The following ACADVL variants were observed in gnomAD, a reference collection of about 807,000 sequenced individuals.
The protein encoded by ACADVL is acyl-CoA dehydrogenase very long chain.
ACADVL carries 73 observed loss-of-function variants against 80.4 expected under a neutral mutation model. The observed-to-expected ratio is 0.91, with a 90% CI of 0.75 to 1.10. ACADVL has a LOEUF of 1.10. ACADVL is among the 50% of genes least tolerant of loss of function. ACADVL has a pLI of 0.00. For missense variants in ACADVL, 878 were observed against 858.9 expected (o/e 1.02, Z -0.28); for synonymous variants, 392 against 326.5 (o/e 1.20, Z -2.16).
upstream of ACADVL, chr17:7,218,706 T>C: frequency 6.5e-7 from 1 of 1,542,228 alleles, no homozygotes; most frequent in Non-Finnish European, 8.8e-7. Context: ...ACACTGTCAC[T>C]TCATCTCCCC....
In ACADVL at chr17:7,224,214, G is replaced by C. The variant is rs2142987026; in HGVS notation, c.1503G>C (p.Leu501=). Residue 501 remains leucine, a synonymous_variant, in exon 15 of 20, where the codon CTG becomes CTC. Coordinates refer to ENST00000356839, the MANE Select transcript of ACADVL (RefSeq NM_000018.4). Reference sequence around the variant, plus strand: ...ATCCCTTTGGGAATGCTGGCCTCCTGCTAGGAGAGGCAGGCAAACAGCTGA... The same window carrying C: ...ATCCCTTTGGGAATGCTGGCCTCCTCCTAGGAGAGGCAGGCAAACAGCTGA... The part of the protein sequence containing the change: ...LKNPFGNAGL[L]LGEAGKQLRR... 6.2e-7 allele frequency: 1 copy of C among 1,614,044 alleles called. No homozygotes were observed. The highest frequency in any genetic ancestry group is 8.5e-7 in the Non-Finnish European group (1 of 1,180,022).
upstream of ACADVL, chr17:7,217,312 AAGGGG>A: frequency 7.2e-6 from 5 of 690,616 alleles, no homozygotes; most frequent in Non-Finnish European, 9.3e-6. Flanking sequence ...TGGAGAAGGG[AAGGGG>A]AGGGGAGCGT....
chr17:7,218,779 GCCC>G, upstream of ACADVL: 3 of 1,608,886 alleles, frequency 1.9e-6, no homozygotes, highest in Non-Finnish European at 1.7e-6. Flanking sequence ...CCGAGCCCCA[GCCC>G]CCCACTTCGC....
At position 7,225,207 on chromosome 17, in the gene ACADVL, CTG is replaced by C; in HGVS notation, c.*113_*114del. 1.4e-6 allele frequency: 2 copies of C among 1,473,742 alleles called. No individual in the cohort carries two copies. Among genetic ancestry groups the C allele is most frequent in the Non-Finnish European group, 1.9e-6 (2 of 1,065,448 alleles). The allele number at this position is 1,473,742 out of a possible 1,614,324, so 91.3% of individuals were successfully genotyped here. On this transcript the variant is annotated 3_prime_UTR_variant, in exon 20 of 20. Coordinates refer to ENST00000356839, the MANE Select transcript of ACADVL (RefSeq NM_000018.4). Reference sequence around the variant, plus strand: ...CCGAAGGGGCCTAGTGTTCCCAGCACTGTGCCTGCTCTCAAGAGCACTTACTG... The same window carrying C: ...CCGAAGGGGCCTAGTGTTCCCAGCACTGCCTGCTCTCAAGAGCACTTACTG...
chr17:7,224,435 C>T, intron 16 of ACADVL, 42 bp downstream of exon 16: 8 of 1,613,754 alleles, frequency 5.0e-6, no homozygotes, highest in Non-Finnish European at 6.8e-6. Context: ...TCAGGGACTG[C>T]AGCCGATGGC....
At chr17:7,217,813 G>T (rs1441310624), upstream of ACADVL, 2 of 1,534,992 alleles carry the variant, frequency 1.3e-6, no homozygotes, top group Non-Finnish European at 8.7e-7. Context: ...CAGCAAAGAC[G>T]ATGAGGCTGG....
upstream of ACADVL, chr17:7,217,698 C>G: frequency 6.5e-7 from 1 of 1,531,554 alleles, no homozygotes; most frequent in South Asian, 1.2e-5. Flanking sequence ...GCAGAGTTAA[C>G]TCCTTCTGTG....
In ACADVL at chr17:7,225,060, G is replaced by T; in HGVS notation, c.1931G>T (p.Arg644Leu). 6.2e-7 allele frequency: 1 copy of T among 1,614,066 alleles called. No individual in the cohort carries two copies. Among genetic ancestry groups the T allele is most frequent in the Non-Finnish European group, 8.5e-7 (1 of 1,180,026 alleles). Residue 644 changes from arginine (R) to leucine (L), a missense_variant, in exon 20 of 20, where the codon CGG becomes CTG. Transcript: ENST00000356839. ...FKSISKALVE[R>L]GGVVTSNPLG... The stretch of plus-strand genomic sequence containing the variant: ...AGCATCTCCAAGGCCTTGGTGGAGC[G>T]GGGTGGTGTGGTCACCAGCAACCCA...
chr17:7,223,868 T>G lies in ACADVL; in HGVS notation c.1325T>G (p.Phe442Cys). The G allele has an allele frequency of 6.2e-7, 1 of 1,613,936 alleles. No individual in the cohort carries two copies. The highest frequency in any genetic ancestry group is 8.5e-7 in the Non-Finnish European group (1 of 1,179,996). The change falls in exon 13 of 20, where the codon TTC (phenylalanine) becomes TGC (cysteine). Residue 442 changes from phenylalanine to cysteine, a missense_variant. By Grantham distance (205) the Phe-to-Cys change is radical. Coordinates refer to ENST00000356839, the MANE Select transcript of ACADVL (RefSeq NM_000018.4). ...ATCCAAATCATGGGGGGTATGGGCT[T>G]CATGAAGGTACAGGACGGTCTTCTG... ...ECIQIMGGMG[F>C]MKEPGVERVL...
chr17:7,223,493 C>G (rs539504953), intron 11 of ACADVL, 151 bp from the exon 12 acceptor site: 2 of 925,604 alleles, frequency 2.2e-6, no homozygotes, highest in Non-Finnish European at 3.6e-6. Flanking sequence ...AAAACAAATA[C>G]CTGGAAGCAC....
At chr17:7,221,162 C>T in intron 6 of ACADVL, 104 bp downstream of exon 6, 6 of 1,577,538 alleles carry the variant, frequency 3.8e-6, no homozygotes, top group Non-Finnish European at 5.2e-6. Context: ...CTCTTCTAAG[C>T]ACCTGCCCTG....
At chr17:7,217,572 G>A (rs2070987128), upstream of ACADVL, 1 of 1,268,888 alleles carries the variant, frequency 7.9e-7, no homozygotes. Flanking sequence ...GGGGGGGTTG[G>A]AAACGGCAGC....
intron 6 of ACADVL, 41 bp from the exon 7 acceptor site, chr17:7,221,497 C>T (rs780803905): frequency 1.2e-6 from 2 of 1,612,484 alleles, no homozygotes; most frequent in South Asian, 2.2e-5. Flanking sequence ...TCAGGTCCCC[C>T]TGCAGCCAGT....
rs1238338378 is a variant in ACADVL at position 7,224,546 on chromosome 17, A to G, written c.1672A>G (p.Ile558Val). The G allele has an allele frequency of 6.2e-7, 1 of 1,603,690 alleles. No individual in the cohort carries two copies. The highest frequency in any genetic ancestry group is 2.2e-5 in the East Asian group (1 of 44,490). Residue 558 changes from isoleucine to valine, a missense_variant, in exon 17 of 20, where the codon ATT becomes GTT. Transcript: ENST00000356839. Reference protein sequence around the residue: ...EAKLIKHKKGIVNEQFLLQRL... With the variant: ...EAKLIKHKKGVVNEQFLLQRL... ...CAAGCTGATAAAACACAAGAAGGGGATTGTCAGTAAGTGAGCTCTACACCA... is the reference window on the plus strand; with the variant it reads ...CAAGCTGATAAAACACAAGAAGGGGGTTGTCAGTAAGTGAGCTCTACACCA...
upstream of ACADVL, chr17:7,219,895 G>C: frequency 6.5e-7 from 1 of 1,548,660 alleles, no homozygotes; most frequent in Non-Finnish European, 8.7e-7. Flanking sequence ...TGTGGACGAT[G>C]AGTCAGGGTT....
At position 7,224,466 on chromosome 17, in the gene ACADVL, C is replaced by T. The variant is rs1334678822; in HGVS notation, c.1606-14C>T. 2 of 1,613,770 alleles carry T rather than the reference C, an allele frequency of 1.2e-6. No homozygotes were observed. Among genetic ancestry groups the T allele is most frequent in the African/African-American group, 1.3e-5 (1 of 74,892 alleles). On this transcript the variant is annotated splice_polypyrimidine_tract_variant and intron_variant, in intron 16 of 19. Transcript: ENST00000356839. ...ATGGCCCCTCTGAGCCCCGCACTGTCCCCATCTCTTAAGGCAGTACGGGCT... is the reference window on the plus strand; with the variant it reads ...ATGGCCCCTCTGAGCCCCGCACTGTTCCCATCTCTTAAGGCAGTACGGGCT...
At chr17:7,220,701 G>T in intron 4 of ACADVL, 25 bp downstream of exon 4, 1 of 1,614,108 alleles carries the variant, frequency 6.2e-7, no homozygotes, top group East Asian at 2.2e-5. Context: ...AATCAGAGCT[G>T]GGTGGGGCCA....
chr17:7,219,391 G>C (rs2071078680), upstream of ACADVL: 4 of 1,013,100 alleles, frequency 3.9e-6, no homozygotes, highest in Non-Finnish European at 3.5e-6. Context: ...CAGTGAATCT[G>C]GGGGGGTCTT....
upstream of ACADVL, chr17:7,218,782 C>T: frequency 6.2e-7 from 1 of 1,611,642 alleles, no homozygotes; most frequent in East Asian, 2.2e-5. Context: ...AGCCCCAGCC[C>T]CCCACTTCGC....
Sources: gnomAD v4.1 joint callset for allele counts on GRCh38, gnomAD v4.1.1 for gene constraint, MANE v1.5 for transcripts, NCBI Gene and HGNC (gene_info 2026-07-23, HGNC 2026-07-21) for gene names.